Variants in MCC observed in about 807,000 individuals in gnomAD.
MCC encodes the protein colorectal mutant cancer protein.
MCC carries 90 observed loss-of-function variants against 116.2 expected under a neutral mutation model. The ratio of observed to expected loss-of-function variants is 0.77; its 90% CI spans 0.65 to 0.92. MCC has a LOEUF of 0.92. MCC is among the 40% of genes least tolerant of loss of function. The probability of loss-of-function intolerance (pLI) is 0.00; values close to 1 mark genes in which losing one functional copy is unlikely to be tolerated. For synonymous variants in MCC, 578 were observed against 510.5 expected, an observed-to-expected ratio of 1.13 and a Z score of -1.78; for missense variants, 1,516 against 1,312.2, an observed-to-expected ratio of 1.16 and a Z score of -2.40.
chr5:113,303,551 G>T (rs1420944573), intron 3 of MCC, among the ~76,000 whole-genome samples: 1 of 152,248 alleles, frequency 6.6e-6, no homozygotes, highest in African/African-American at 2.4e-5. Context: ...TGGCTTTGGA[G>T]ATTACTAGGG....
At chr5:113,385,349 G>T in intron 1 of MCC, 137 bp from the exon 2 acceptor site, 1 of 928,890 alleles carries the variant, frequency 1.1e-6, no homozygotes, top group Non-Finnish European at 1.6e-6. Flanking sequence ...ATTGTTTCTA[G>T]AAAAGTGATA....
At chr5:113,125,631 T>C (rs1376847136) in intron 5 of MCC, among the ~76,000 whole-genome samples, 3 of 152,216 alleles carry the variant, frequency 2.0e-5, no homozygotes, top group Non-Finnish European at 4.4e-5. Flanking sequence ...GATTTATGAT[T>C]GCAGTATGCG....
Position 113,104,238 on chromosome 5 carries a change from A to G in MCC, c.1145T>C (p.Ile382Thr). 1 of 1,614,030 alleles carries G rather than the reference A, an allele frequency of 6.2e-7. No individual in the cohort carries two copies. The highest frequency in any genetic ancestry group is 8.5e-7 in the Non-Finnish European group (1 of 1,180,006). ...CTCGCTGGCTGTGGTGAGCTGCTCA[A>G]TGTGCTTGTCCACCTCGGCCACGGA... is the stretch of plus-strand genomic sequence containing the variant. ...SLSVAEVDKH[I>T]EQLTTASEHC... The change falls in exon 7 of 19, where the codon ATT (isoleucine) becomes ACT (threonine). Residue 382 changes from isoleucine (I) to threonine (T), a missense_variant. Coordinates refer to ENST00000408903, the MANE Select transcript of MCC (RefSeq NM_001085377.2).
At chr5:113,100,413 G>C (rs1389344666) in intron 8 of MCC, among the ~76,000 whole-genome samples, 1 of 151,210 alleles carries the variant, frequency 6.6e-6, no homozygotes, top group African/African-American at 2.4e-5. Flanking sequence ...TATGGCTAAG[G>C]GAGCAAGAGC....
intron 3 of MCC, among the ~76,000 whole-genome samples, chr5:113,199,679 C>T (rs1408206963): frequency 1.3e-5 from 2 of 152,138 alleles, no homozygotes; most frequent in Admixed American, 1.3e-4. Context: ...GGGGTGAAGG[C>T]AGTTGGATTG....
At chr5:113,063,824 TTC>T (rs1352495739) in intron 14 of MCC, among the ~76,000 whole-genome samples, 158 bp downstream of exon 14, 2 of 152,246 alleles carry the variant, frequency 1.3e-5, no homozygotes, top group Non-Finnish European at 2.9e-5. Context: ...TGTTCTGATC[TTC>T]TGACTCCTTT....
At chr5:113,425,126 A>G (rs553432423) in intron 1 of MCC, among the ~76,000 whole-genome samples, 2 of 152,212 alleles carry the variant, frequency 1.3e-5, no homozygotes, top group Non-Finnish European at 2.9e-5. Flanking sequence ...TTGGGCAAAG[A>G]GAGAATCCCA....
At chr5:113,298,440 T>C (rs1221100955) in intron 3 of MCC, among the ~76,000 whole-genome samples, 1 of 152,142 alleles carries the variant, frequency 6.6e-6, no homozygotes, top group Admixed American at 6.5e-5. Context: ...TAAATTACCA[T>C]AGGGAGTGAG....
chr5:113,481,413 T>G (rs1426965784), intron 1 of MCC, among the ~76,000 whole-genome samples: 26 of 152,152 alleles, frequency 1.7e-4, no homozygotes, highest in Admixed American at 1.6e-3. Flanking sequence ...AATAATTAAA[T>G]TAATTAAATA....
Position 113,132,453 on chromosome 5 carries a change from C to CATATATATATATATATATATATATAT in MCC, c.885-9628_885-9627insATATATATATATATATATATATATAT, listed in dbSNP as rs1561385323. Among the ~76,000 whole-genome samples, 29 of 128,356 alleles carry CATATATATATATATATATATATATAT rather than the reference C, an allele frequency of 2.3e-4. 2 individuals carry two copies. The highest frequency in any genetic ancestry group is 9.1e-4 in the African/African-American group (27 of 29,590). 84.2% of individuals were successfully genotyped at this position (128,356 alleles called of 152,430 possible). On this transcript the variant is annotated intron_variant, in intron 5 of 18. Coordinates refer to ENST00000408903, the MANE Select transcript of MCC (RefSeq NM_001085377.2). Reference sequence around the variant, plus strand: ...ATATATATATATATATACACACACACACACACACACACACACACACACACA... The same window carrying CATATATATATATATATATATATATAT: ...ATATATATATATATATACACACACACATATATATATATATATATATATATATACACACACACACACACACACACACA...
intron 1 of MCC, among the ~76,000 whole-genome samples, chr5:113,389,103 TTTTGTTACCAAC>T: frequency 6.6e-6 from 1 of 152,202 alleles, no homozygotes; most frequent in East Asian, 1.9e-4. Flanking sequence ...TAAAGTTACA[TTTTGTTACCAAC>T]AAGATGAGAA....
At chr5:113,218,119 G>T (rs1263161765) in intron 3 of MCC, among the ~76,000 whole-genome samples, 2 of 85,330 alleles carry the variant, frequency 2.3e-5, no homozygotes, top group Admixed American at 1.6e-4. Flanking sequence ...GTGGGAAACT[G>T]GGGGGAGTAT....
intron 6 of MCC, among the ~76,000 whole-genome samples, chr5:113,120,616 G>A (rs915152461): frequency 1.3e-5 from 2 of 152,128 alleles, no homozygotes; most frequent in African/African-American, 4.8e-5. Context: ...TATGTGCCAG[G>A]CCCTGTGATA....
intron 3 of MCC, among the ~76,000 whole-genome samples, chr5:113,158,796 A>T (rs548588999): frequency 1.3e-5 from 2 of 152,228 alleles, no homozygotes; most frequent in Non-Finnish European, 2.9e-5. Context: ...TTCCAACCTA[A>T]CAGTACCGGA....
intron 3 of MCC, among the ~76,000 whole-genome samples, chr5:113,220,446 A>G (rs1477074234): frequency 6.6e-6 from 1 of 152,072 alleles, no homozygotes; most frequent in Non-Finnish European, 1.5e-5. Flanking sequence ...AGCAACATTG[A>G]GTTTTCTGAT....
chr5:113,103,337 T>C (rs1031643408), intron 7 of MCC, among the ~76,000 whole-genome samples: 6 of 152,324 alleles, frequency 3.9e-5, no homozygotes, highest in Admixed American at 1.3e-4. Context: ...AGCTGGTTGG[T>C]AGAGGCCCTT....
At chr5:113,351,539 TG>T (rs1483679770) in intron 2 of MCC, among the ~76,000 whole-genome samples, 1 of 151,974 alleles carries the variant, frequency 6.6e-6, no homozygotes, top group Non-Finnish European at 1.5e-5. Context: ...TACCAGAAGC[TG>T]GAAAGGGTAG....
intron 3 of MCC, among the ~76,000 whole-genome samples, chr5:113,327,586 A>ATATATATATATATATAT (rs1561525256): frequency 1.9e-4 from 22 of 112,964 alleles, no homozygotes; most frequent in Non-Finnish European, 3.1e-4. Context: ...ATATATATAT[A>ATATATATATATATATAT]AAAATCTCAT....
At chr5:113,322,772 C>G (rs1767455037) in intron 3 of MCC, among the ~76,000 whole-genome samples, 1 of 152,238 alleles carries the variant, frequency 6.6e-6, no homozygotes, top group East Asian at 1.9e-4. Flanking sequence ...GGAAGCCAAA[C>G]AAGAAACAAG....
Sources: gnomAD v4.1 joint callset for allele counts (sites outside exome capture counted in the v4.1 genomes callset) on GRCh38, gnomAD v4.1.1 for gene constraint, MANE v1.5 for transcripts, NCBI Gene and HGNC (gene_info 2026-07-23, HGNC 2026-07-21) for gene names.